Variants in TTC7B observed in about 807,000 individuals in gnomAD.
TTC7B encodes the protein tetratricopeptide repeat domain 7B.
A neutral mutation model predicts 106.8 loss-of-function variants in TTC7B; 28 were observed. That is an observed-to-expected ratio of 0.26 (90% CI 0.19 to 0.36). The LOEUF is 0.36. Among genes scored for constraint, TTC7B ranks in the 10% least tolerant of loss-of-function variants. The pLI is 1.00. For synonymous variants in TTC7B, 405 were observed against 430.6 expected (o/e 0.94, Z 0.74); for missense variants, 862 against 1,076.4 (o/e 0.80, Z 2.79).
intron 2 of TTC7B, among the ~76,000 whole-genome samples, chr14:90,782,504 C>T (rs1891253711): frequency 1.3e-5 from 2 of 152,082 alleles, no homozygotes; most frequent in Non-Finnish European, 2.9e-5. Flanking sequence ...GAGGCTAAGG[C>T]ACAAGAATCA....
chr14:90,762,746 G>T (rs1016697394), intron 3 of TTC7B, among the ~76,000 whole-genome samples: 1 of 152,182 alleles, frequency 6.6e-6, no homozygotes, highest in African/African-American at 2.4e-5. Flanking sequence ...GCCTGAAACT[G>T]GGAAATAACT....
At position 90,610,751 on chromosome 14, in the gene TTC7B, G is replaced by T. The variant is rs745424595; in HGVS notation, c.1957C>A (p.Pro653Thr). 6 of 1,612,422 alleles carry T rather than the reference G, an allele frequency of 3.7e-6. No individual in the cohort carries two copies. In the East Asian group the frequency reaches 1.3e-4, roughly 36 times the overall value. Residue 653 changes from proline to threonine, a missense_variant, in exon 17 of 20, where the codon CCC becomes ACC. Pro to Thr is a conservative substitution (Grantham distance 38). Coordinates refer to ENST00000328459, the MANE Select transcript of TTC7B (RefSeq NM_001010854.2). ...GGCTTTTTATTCTCACCTGTCTCGG[G>T]ATCGCTGAAGTCTGGCAAAGTAATT... Reference protein sequence around the residue: ...NTITLPDFSDPETGSVHATSV... With the variant: ...NTITLPDFSDTETGSVHATSV...
At chr14:90,581,706 T>C (rs147225845) in intron 18 of TTC7B, among the ~76,000 whole-genome samples, 6 of 152,270 alleles carry the variant, frequency 3.9e-5, no homozygotes, top group Admixed American at 1.3e-4. Context: ...GGGATGAACA[T>C]GTCCAGAACA....
intron 5 of TTC7B, among the ~76,000 whole-genome samples, chr14:90,726,830 CA>C (rs1708363534): frequency 6.6e-6 from 1 of 152,184 alleles, no homozygotes. Context: ...GATGTTTTTT[CA>C]GCCTTAACAG....
At chr14:90,652,930 G>A (rs764498628) in intron 12 of TTC7B, 32 bp from the exon 13 acceptor site, 1 of 1,610,598 alleles carries the variant, frequency 6.2e-7, no homozygotes, top group South Asian at 1.1e-5. Context: ...TCAGTGGCAT[G>A]GGGGATCAGG....
In TTC7B at chr14:90,759,704, C is replaced by A. The variant is rs1008653254; in HGVS notation, c.446-14782G>T. Among the ~76,000 whole-genome samples, 2 of 152,168 alleles carry A rather than the reference C, an allele frequency of 1.3e-5. No homozygotes were observed. The highest frequency in any genetic ancestry group is 4.8e-5 in the African/African-American group (2 of 41,426). On this transcript the variant is annotated intron_variant, in intron 3 of 19. Coordinates refer to ENST00000328459, the MANE Select transcript of TTC7B (RefSeq NM_001010854.2). This position sits in a 1 kb window ranked among gnomAD's most constrained non-coding sequence, Gnocchi z 4.1. ...AAGAGTATTTGTTTTTATATCAGGC[C>A]CAAACCAAAACCTATTCTGAAATGG...
At chr14:90,721,393 G>A (rs1336422972) in intron 5 of TTC7B, among the ~76,000 whole-genome samples, 1 of 152,208 alleles carries the variant, frequency 6.6e-6, no homozygotes, top group East Asian at 1.9e-4. Context: ...AATCGTTAGA[G>A]ATTCTTTTGT....
chr14:90,656,407 T>C (rs186343070), intron 11 of TTC7B, among the ~76,000 whole-genome samples: 107 of 152,350 alleles, frequency 7.0e-4, no homozygotes, highest in Admixed American at 2.5e-3. Flanking sequence ...TTTTCTATTT[T>C]CTACTCAAAT....
intron 1 of TTC7B, 104 bp from the exon 2 acceptor site, chr14:90,786,432 C>T (rs1891392638): frequency 7.1e-7 from 1 of 1,403,242 alleles, no homozygotes; most frequent in Admixed American, 2.0e-5. Context: ...GGCTCCAGGC[C>T]CCCAGCAAGG....
chr14:90,544,367 G>A (rs1294083411), intron 19 of TTC7B, among the ~76,000 whole-genome samples: 5 of 152,192 alleles, frequency 3.3e-5, no homozygotes, highest in Non-Finnish European at 7.3e-5. Context: ...GTTCCGGGGT[G>A]GCCAAACAGC....
At chr14:90,796,602 C>A (rs1043634174) in intron 1 of TTC7B, among the ~76,000 whole-genome samples, 6 of 152,160 alleles carry the variant, frequency 3.9e-5, no homozygotes, top group Admixed American at 1.3e-4. Context: ...AGCTGACATG[C>A]AGAGATGTGA....
chr14:90,632,909 G>T (rs1423759498), intron 15 of TTC7B, among the ~76,000 whole-genome samples: 1 of 152,160 alleles, frequency 6.6e-6, no homozygotes, highest in Non-Finnish European at 1.5e-5. Context: ...AAACATTAGT[G>T]GTTACTAATG....
chr14:90,643,250 T>C (rs1220107023), intron 15 of TTC7B, among the ~76,000 whole-genome samples: 1 of 151,756 alleles, frequency 6.6e-6, no homozygotes, highest in Non-Finnish European at 1.5e-5. Context: ...CTACTAAAAA[T>C]ACAAAAAATT....
intron 6 of TTC7B, among the ~76,000 whole-genome samples, chr14:90,693,671 C>T (rs546435418): frequency 6.6e-6 from 1 of 152,346 alleles, no homozygotes; most frequent in South Asian, 2.1e-4. Context: ...AATATCACCA[C>T]ACTCCCACCA....
intron 1 of TTC7B, among the ~76,000 whole-genome samples, chr14:90,811,015 G>A (rs780980657): frequency 3.9e-5 from 6 of 152,200 alleles, no homozygotes; most frequent in Non-Finnish European, 7.3e-5. Context: ...AGACCAAGCA[G>A]ATGGATGAGG....
intron 16 of TTC7B, among the ~76,000 whole-genome samples, chr14:90,611,156 C>T (rs559595913): frequency 5.9e-5 from 9 of 152,160 alleles, no homozygotes; most frequent in Non-Finnish European, 1.0e-4. Context: ...AGGGGGAAAC[C>T]GACTGGCATT....
At chr14:90,562,122 CAA>C (rs1020095449) in intron 19 of TTC7B, among the ~76,000 whole-genome samples, 3 of 152,172 alleles carry the variant, frequency 2.0e-5, no homozygotes, top group Non-Finnish European at 2.9e-5. Flanking sequence ...GGCCATGCCC[CAA>C]CCTCCAGACC....
At chr14:90,626,417 C>A (rs1247256393) in intron 15 of TTC7B, among the ~76,000 whole-genome samples, 1 of 152,176 alleles carries the variant, frequency 6.6e-6, no homozygotes, top group Non-Finnish European at 1.5e-5. Context: ...TCTGAAGGTG[C>A]TCTAGCCCTG....
chr14:90,651,284 T>C (rs1885705504), intron 13 of TTC7B, among the ~76,000 whole-genome samples: 1 of 152,250 alleles, frequency 6.6e-6, no homozygotes, highest in Non-Finnish European at 1.5e-5. Context: ...CAAATTCTAA[T>C]TTAGGTTAGC....
Sources: allele counts gnomAD v4.1 joint callset (sites outside exome capture counted in the v4.1 genomes callset), GRCh38; gene constraint gnomAD v4.1.1; non-coding constraint Gnocchi (gnomAD v3.1); transcripts MANE v1.5; gene names NCBI Gene and HGNC (gene_info 2026-07-23, HGNC 2026-07-21).